The following SCD5 variants were observed in gnomAD, a reference collection of about 807,000 sequenced individuals.
The protein encoded by SCD5 is stearoyl-CoA desaturase 5.
Under a neutral mutation model 30.4 loss-of-function variants are expected in SCD5, and 20 were observed. The observed-to-expected ratio is 0.66, with a 90% CI of 0.46 to 0.96. The LOEUF (loss-of-function observed/expected upper bound fraction) is 0.96. Ranked by LOEUF, SCD5 falls within the 40% of genes least tolerant of loss-of-function variation. SCD5 has a pLI of 0.00. For missense variants in SCD5, 381 were observed against 443.3 expected (o/e 0.86, Z 1.26); for synonymous variants, 173 against 176.4 (o/e 0.98, Z 0.16).
intron 2 of SCD5, among the ~76,000 whole-genome samples, chr4:82,690,007 T>A (rs1389993757): frequency 1.3e-5 from 2 of 152,054 alleles, no homozygotes; most frequent in African/African-American, 4.8e-5. Context: ...TGGCATAAAA[T>A]TAAAAAAACA....
At chr4:82,793,890 CAG>C (rs1011927506) in intron 1 of SCD5, among the ~76,000 whole-genome samples, 22 of 152,216 alleles carry the variant, frequency 1.4e-4, no homozygotes, top group African/African-American at 5.3e-4. Context: ...TGGGGCAAGA[CAG>C]AAGTCCATGA....
chr4:82,680,611 T>G, intron 3 of SCD5, 96 bp downstream of exon 3: 4 of 1,112,800 alleles, frequency 3.6e-6, no homozygotes, highest in Non-Finnish European at 4.0e-6. Context: ...GGCAAATGCT[T>G]GAGAAGAACG....
At chr4:82,634,002 C>T (rs1727373278) in intron 4 of SCD5, among the ~76,000 whole-genome samples, 1 of 152,144 alleles carries the variant, frequency 6.6e-6, no homozygotes, top group Non-Finnish European at 1.5e-5. Flanking sequence ...TAAAATCATA[C>T]AATATGTAGT....
At chr4:82,647,755 T>TCA (rs1240017137) in intron 3 of SCD5, among the ~76,000 whole-genome samples, 2 of 150,262 alleles carry the variant, frequency 1.3e-5, no homozygotes, top group African/African-American at 5.0e-5. Context: ...CTGTAAAAAC[T>TCA]CCGGAAGATA....
intron 3 of SCD5, among the ~76,000 whole-genome samples, chr4:82,658,884 G>A (rs930355091): frequency 6.6e-5 from 10 of 151,876 alleles, no homozygotes; most frequent in Non-Finnish European, 2.9e-5. Context: ...TTTTTCTATT[G>A]TTTGGAATAG....
chr4:82,786,453 T>C (rs1034831815), intron 1 of SCD5, among the ~76,000 whole-genome samples: 4 of 152,164 alleles, frequency 2.6e-5, no homozygotes, highest in Admixed American at 1.3e-4. Context: ...ACTCTATTCA[T>C]GTCTTGTTTC....
intron 3 of SCD5, among the ~76,000 whole-genome samples, chr4:82,657,931 T>C (rs1413407820): frequency 6.6e-6 from 1 of 152,248 alleles, no homozygotes; most frequent in Non-Finnish European, 1.5e-5. Flanking sequence ...CTTGTGATTT[T>C]TGCACATTGA....
intron 1 of SCD5, among the ~76,000 whole-genome samples, chr4:82,764,437 T>C (rs1312267085): frequency 1.3e-5 from 2 of 152,352 alleles, no homozygotes; most frequent in Non-Finnish European, 2.9e-5. Context: ...TGTGAATTAG[T>C]TGAGCATTTT....
chr4:82,744,521 G>A (rs948042175), intron 1 of SCD5, among the ~76,000 whole-genome samples: 1 of 152,212 alleles, frequency 6.6e-6, no homozygotes, highest in Admixed American at 6.5e-5. Context: ...CTTAAAGCCA[G>A]TCTCACTTGT....
chr4:82,707,924 T>C (rs1023873175), intron 1 of SCD5, among the ~76,000 whole-genome samples: 2 of 152,242 alleles, frequency 1.3e-5, no homozygotes, highest in African/African-American at 4.8e-5. Flanking sequence ...TGTTTTACAC[T>C]ACTAAATTGG....
intron 1 of SCD5, among the ~76,000 whole-genome samples, chr4:82,707,606 C>A (rs1382919242): frequency 6.6e-6 from 1 of 152,240 alleles, no homozygotes; most frequent in Non-Finnish European, 1.5e-5. Flanking sequence ...CAGATTCTCT[C>A]TTGAGCTGGC....
intron 3 of SCD5, among the ~76,000 whole-genome samples, chr4:82,664,219 T>C (rs34750303): frequency 0.34 from 51,031 of 151,924 alleles, 9,290 homozygotes; most frequent in African/African-American, 0.48. Context: ...TCCAGTGAAG[T>C]CTGTGGTGCA....
At chr4:82,652,472 C>T (rs1727777810) in intron 3 of SCD5, among the ~76,000 whole-genome samples, 1 of 152,134 alleles carries the variant, frequency 6.6e-6, no homozygotes. Context: ...AAAGAGTATG[C>T]ACTTTGGACC....
chr4:82,719,927 G>C (rs1720329954), intron 1 of SCD5, among the ~76,000 whole-genome samples: 1 of 151,656 alleles, frequency 6.6e-6, no homozygotes, highest in Middle Eastern at 3.4e-3. Context: ...TCAGCCTCCT[G>C]AGTAGCTAGG....
At chr4:82,714,511 G>A (rs1415939486) in intron 1 of SCD5, among the ~76,000 whole-genome samples, 2 of 152,102 alleles carry the variant, frequency 1.3e-5, no homozygotes, top group African/African-American at 4.8e-5. Context: ...GCTCATGAAG[G>A]AGGGACTGCT....
At chr4:82,651,146 A>G (rs754071176) in intron 3 of SCD5, among the ~76,000 whole-genome samples, 50 of 152,318 alleles carry the variant, frequency 3.3e-4, no homozygotes, top group Non-Finnish European at 6.0e-4. Flanking sequence ...CACAGATGGT[A>G]GTTGGACAAG....
intron 1 of SCD5, among the ~76,000 whole-genome samples, chr4:82,777,602 C>T (rs1395419922): frequency 6.6e-6 from 1 of 152,200 alleles, no homozygotes; most frequent in Admixed American, 6.5e-5. Context: ...GCACTGCTAT[C>T]ACCATCTTGA....
intron 1 of SCD5, among the ~76,000 whole-genome samples, chr4:82,712,307 A>T (rs28603103): frequency 0.064 from 1,123 of 17,484 alleles, 162 homozygotes; most frequent in African/African-American, 0.14. Flanking sequence ...TTTTATTTTT[A>T]TTTTATTTTT....
At chr4:82,634,199 C>T (rs1439515141) in intron 4 of SCD5, among the ~76,000 whole-genome samples, 2 of 152,138 alleles carry the variant, frequency 1.3e-5, no homozygotes, top group South Asian at 2.1e-4. Context: ...TTATGAATAA[C>T]GTTGCTATGA....
Sources: gnomAD v4.1 joint callset for allele counts (sites outside exome capture counted in the v4.1 genomes callset) on GRCh38, gnomAD v4.1.1 for gene constraint, MANE v1.5 for transcripts, NCBI Gene and HGNC (gene_info 2026-07-23, HGNC 2026-07-21) for gene names.